The following TSHZ1 variants were observed in gnomAD, a reference collection of about 807,000 sequenced individuals.
TSHZ1 encodes the protein teashirt zinc finger homeobox 1.
Under a neutral mutation model 67.1 loss-of-function variants are expected in TSHZ1, and 12 were observed. The ratio of observed to expected loss-of-function variants is 0.18; its 90% CI spans 0.11 to 0.29. The LOEUF is 0.29. Ranked by LOEUF, TSHZ1 falls within the 10% of genes least tolerant of loss-of-function variation. The pLI is 1.00. For synonymous variants in TSHZ1, 632 were observed against 622.4 expected, an observed-to-expected ratio of 1.02 and a Z score of -0.23; for missense variants, 1,305 against 1,413.9, an observed-to-expected ratio of 0.92 and a Z score of 1.23.
intron 1 of TSHZ1, among the ~76,000 whole-genome samples, chr18:75,258,006 G>A (rs1427155835): frequency 6.6e-6 from 1 of 152,208 alleles, no homozygotes; most frequent in African/African-American, 2.4e-5. Flanking sequence ...CGGGAAGAGA[G>A]GAATTCCCGG....
intron 1 of TSHZ1, among the ~76,000 whole-genome samples, chr18:75,264,270 T>C (rs777770768): frequency 6.6e-6 from 1 of 152,252 alleles, no homozygotes; most frequent in Non-Finnish European, 1.5e-5. Context: ...CCAGTAAATA[T>C]GTTCGTGGAT....
At chr18:75,215,779 T>C (rs1461389831) in intron 1 of TSHZ1, among the ~76,000 whole-genome samples, 1 of 152,230 alleles carries the variant, frequency 6.6e-6, no homozygotes, top group Non-Finnish European at 1.5e-5. Flanking sequence ...GTCTTAGTGG[T>C]GCCACTGTAA....
intron 1 of TSHZ1, among the ~76,000 whole-genome samples, chr18:75,260,713 A>C (rs1275062854): frequency 6.6e-6 from 1 of 152,064 alleles, no homozygotes; most frequent in East Asian, 1.9e-4. Flanking sequence ...AGTTTCCTGG[A>C]TGCTCCTCAG....
chr18:75,242,189 A>G (rs2023164949), intron 1 of TSHZ1, among the ~76,000 whole-genome samples: 1 of 152,072 alleles, frequency 6.6e-6, no homozygotes, highest in Non-Finnish European at 1.5e-5. Flanking sequence ...TCAAGAAAAC[A>G]GCCATTAATT....
At chr18:75,274,000 C>T (rs2023586618) in intron 1 of TSHZ1, among the ~76,000 whole-genome samples, 1 of 152,174 alleles carries the variant, frequency 6.6e-6, no homozygotes, top group South Asian at 2.1e-4. Flanking sequence ...CATGCATGCG[C>T]GTGAAGGCCG....
chr18:75,239,285 T>C (rs1599034535), intron 1 of TSHZ1, among the ~76,000 whole-genome samples: 1 of 152,372 alleles, frequency 6.6e-6, no homozygotes, highest in East Asian at 1.9e-4. Flanking sequence ...GATGCTTCTG[T>C]ATTAATGGTT....
chr18:75,247,740 A>G (rs566063724), intron 1 of TSHZ1, among the ~76,000 whole-genome samples: 7 of 152,208 alleles, frequency 4.6e-5, no homozygotes, highest in African/African-American at 2.4e-5. Flanking sequence ...ATATGTGAGC[A>G]CACACACACT....
rs775977820 is a variant in TSHZ1, at chr18:75,285,574, C to A, written c.167C>A (p.Ala56Glu). 2.5e-6 allele frequency: 4 copies of A among 1,599,734 alleles called. No homozygotes were observed. In the African/African-American group the frequency reaches 5.4e-5, roughly 21 times the overall value. Residue 56 changes from alanine (A) to glutamate (E), a missense_variant, in exon 2 of 2, where the codon GCG (alanine) becomes GAG (glutamate). Ala to Glu is a moderately radical substitution (Grantham distance 107). Coordinates refer to ENST00000580243, the MANE Select transcript of TSHZ1 (RefSeq NM_001308210.2). ...MCNEETEIKE[A>E]QSYQNSPVSS... is the part of the protein sequence containing the mutation. ...AATGAAGAGACGGAGATCAAAGAGG[C>A]GCAGAGCTACCAGAACTCCCCAGTC... is the stretch of plus-strand genomic sequence containing the variant.
intron 1 of TSHZ1, among the ~76,000 whole-genome samples, chr18:75,282,102 G>A (rs186046829): frequency 2.0e-5 from 3 of 152,138 alleles, no homozygotes; most frequent in African/African-American, 2.4e-5. Flanking sequence ...GGGCCTTCTC[G>A]TTCTGTGGAT....
intron 1 of TSHZ1, among the ~76,000 whole-genome samples, chr18:75,226,342 A>G (rs2022925297): frequency 2.6e-5 from 4 of 152,134 alleles, no homozygotes; most frequent in Non-Finnish European, 5.9e-5. Flanking sequence ...TGGTGAGCCC[A>G]TGAAATCTTT....
rs2023808610 is a variant in TSHZ1, at chr18:75,288,128, C to T, written c.2721C>T (p.Ser907=). The change falls in exon 2 of 2, where the codon AGC becomes AGT. Residue 907 remains serine (S), a synonymous_variant. Transcript: ENST00000580243. The surrounding 1 kb of genome is among the most constrained non-coding windows in gnomAD (Gnocchi z 4.9). ...LLILQAQFAS[S]LRETTEGKYI... ...TCCTGCAGGCCCAGTTCGCCTCGAG[C>T]TTGCGGGAGACCACAGAGGGCAAGT... 6.2e-7 allele frequency: 1 copy of T among 1,613,932 alleles called. No individual in the cohort carries two copies. Among genetic ancestry groups the T allele is most frequent in the East Asian group, 2.2e-5 (1 of 44,882 alleles).
At chr18:75,266,832 T>C (rs1260214533) in intron 1 of TSHZ1, among the ~76,000 whole-genome samples, 1 of 152,214 alleles carries the variant, frequency 6.6e-6, no homozygotes, top group Non-Finnish European at 1.5e-5. Flanking sequence ...CCCCTGGCAG[T>C]ATTGACATAA....
At chr18:75,242,495 GAGGTCAGTAAAT>G (rs2023169443) in intron 1 of TSHZ1, among the ~76,000 whole-genome samples, 1 of 152,256 alleles carries the variant, frequency 6.6e-6, no homozygotes, top group African/African-American at 2.4e-5. Context: ...GAAGCAAACT[GAGGTCAGTAAAT>G]AGGTGGACCA....
In TSHZ1 at chr18:75,232,213, T is replaced by A. The variant is rs59857766; in HGVS notation, c.40+20297T>A. On this transcript the variant is annotated intron_variant, in intron 1 of 1. Transcript: ENST00000580243. ...CAGGCGTGAGCCACTGCGCCCGGAC[T>A]TTTTTTTAGTAATTGAGGCTAGATT... Among the ~76,000 whole-genome samples, 1,094 of 152,190 alleles carry A rather than the reference T, an allele frequency of 7.2e-3. 9 individuals are homozygous for A. Among genetic ancestry groups the A allele is most frequent in the African/African-American group, 0.025 (1,044 of 41,546 alleles).
At chr18:75,236,633 C>T (rs994644661) in intron 1 of TSHZ1, among the ~76,000 whole-genome samples, 5 of 152,012 alleles carry the variant, frequency 3.3e-5, no homozygotes, top group South Asian at 2.1e-4. Flanking sequence ...GGGTTTTGTC[C>T]GTTTTGTTCA....
chr18:75,233,935 A>G (rs1374723285), intron 1 of TSHZ1, among the ~76,000 whole-genome samples: 1 of 152,132 alleles, frequency 6.6e-6, no homozygotes, highest in Admixed American at 6.6e-5. Context: ...AGATGCTTTT[A>G]CAAACCCTTT....
chr18:75,247,276 G>A (rs1018742730), intron 1 of TSHZ1, among the ~76,000 whole-genome samples: 1 of 152,196 alleles, frequency 6.6e-6, no homozygotes, highest in Non-Finnish European at 1.5e-5. Flanking sequence ...GGGCTGAGGC[G>A]GTGGGCCTGC....
chr18:75,260,332 T>C (rs370808442), intron 1 of TSHZ1, among the ~76,000 whole-genome samples: 28 of 152,248 alleles, frequency 1.8e-4, no homozygotes, highest in East Asian at 7.7e-4. Context: ...AGGATATTGC[T>C]TACGGCATTT....
rs199731612 is a variant in TSHZ1, at chr18:75,214,226, A to G, written c.40+2310A>G. ...CTTTCATCTGGAATTACTTCCATTAACACACGTTGGTTCACACTTGCTTAT... is the reference window on the plus strand; with the variant it reads ...CTTTCATCTGGAATTACTTCCATTAGCACACGTTGGTTCACACTTGCTTAT... On this transcript the variant is annotated intron_variant, in intron 1 of 1. Transcript: ENST00000580243. Among the ~76,000 whole-genome samples the G allele has an allele frequency of 2.0e-5, 3 of 152,330 alleles. No individual in the cohort carries two copies. The East Asian group carries it at 5.8e-4, about 29-fold the overall frequency.
Sources: gnomAD v4.1 joint callset for allele counts (sites outside exome capture counted in the v4.1 genomes callset) on GRCh38, gnomAD v4.1.1 for gene constraint, Gnocchi (gnomAD v3.1) non-coding constraint, MANE v1.5 for transcripts, NCBI Gene and HGNC (gene_info 2026-07-23, HGNC 2026-07-21) for gene names.